Variants in ARHGAP15 observed in about 807,000 individuals in gnomAD.
ARHGAP15 encodes rho GTPase-activating protein 15.
In ARHGAP15, 51 loss-of-function variants were observed where a neutral mutation model predicts 63.7. That is an observed-to-expected ratio of 0.80 (90% confidence interval 0.64 to 1.01). The LOEUF is 1.01. Among genes scored for constraint, ARHGAP15 ranks in the 50% least tolerant of loss-of-function variants. ARHGAP15 has a pLI of 0.00. For missense variants in ARHGAP15, 560 were observed against 564.6 expected (o/e 0.99, Z 0.08); for synonymous variants, 191 against 193.8 (o/e 0.99, Z 0.12).
intron 8 of ARHGAP15, among the ~76,000 whole-genome samples, chr2:143,437,895 G>A (rs1463613979): frequency 1.3e-5 from 2 of 152,022 alleles, no homozygotes; most frequent in African/African-American, 2.4e-5. Flanking sequence ...ATGGTGGCAC[G>A]TGCCTGTAAT....
rs185215946 is a variant in ARHGAP15 at position 143,182,175 on chromosome 2, C to T, written c.166-19959C>T. On this transcript the variant is annotated intron_variant, in intron 2 of 13. Coordinates refer to ENST00000295095, the MANE Select transcript of ARHGAP15 (RefSeq NM_018460.4). ...ATGGGGTTTTGCCATGTTGGCCAGGCTGGTCTCAAACTCCTGACCTTGGGT... is the reference window on the plus strand; with the variant it reads ...ATGGGGTTTTGCCATGTTGGCCAGGTTGGTCTCAAACTCCTGACCTTGGGT... Among the ~76,000 whole-genome samples, 18 of 152,200 alleles carry T rather than the reference C, an allele frequency of 1.2e-4. No individual in the cohort carries two copies. The East Asian group carries it at 3.5e-3, about 29-fold the overall frequency.
At chr2:143,719,712 T>C (rs1006785851) in intron 13 of ARHGAP15, among the ~76,000 whole-genome samples, 5 of 152,182 alleles carry the variant, frequency 3.3e-5, no homozygotes, top group Non-Finnish European at 5.9e-5. Flanking sequence ...TTACTGCTAG[T>C]TTACATGTCC....
intron 12 of ARHGAP15, among the ~76,000 whole-genome samples, chr2:143,652,396 C>G (rs1681214986): frequency 6.6e-6 from 1 of 152,034 alleles, no homozygotes; most frequent in African/African-American, 2.4e-5. Context: ...TCATAGTTTG[C>G]TGGCATTTGT....
At chr2:143,676,874 T>C (rs1207231644) in intron 12 of ARHGAP15, among the ~76,000 whole-genome samples, 1 of 151,714 alleles carries the variant, frequency 6.6e-6, no homozygotes, top group Non-Finnish European at 1.5e-5. Flanking sequence ...GACCTTCAAT[T>C]TGAAAAACAA....
At chr2:143,151,596 T>G (rs1689823762) in intron 1 of ARHGAP15, among the ~76,000 whole-genome samples, 1 of 151,924 alleles carries the variant, frequency 6.6e-6, no homozygotes, top group Admixed American at 6.6e-5. Flanking sequence ...TAAGAAAGAA[T>G]GGATGATGGA....
At chr2:143,330,448 TTGTG>T (rs1684499860) in intron 6 of ARHGAP15, among the ~76,000 whole-genome samples, 2 of 152,070 alleles carry the variant, frequency 1.3e-5, no homozygotes, top group Non-Finnish European at 2.9e-5. Flanking sequence ...CCATAGTAAT[TTGTG>T]TTAAGTTTAT....
At chr2:143,764,313 A>G (rs892510144) in intron 13 of ARHGAP15, among the ~76,000 whole-genome samples, 1 of 152,164 alleles carries the variant, frequency 6.6e-6, no homozygotes, top group Non-Finnish European at 1.5e-5. Flanking sequence ...TCAGACATGC[A>G]GGCACATGGC....
At chr2:143,553,706 G>T (rs907861770) in intron 10 of ARHGAP15, among the ~76,000 whole-genome samples, 1 of 152,144 alleles carries the variant, frequency 6.6e-6, no homozygotes, top group African/African-American at 2.4e-5. Flanking sequence ...AAATGGTTTT[G>T]ATTACTGGAC....
In ARHGAP15 at chr2:143,440,957, C is replaced by T. The variant is rs79466832; in HGVS notation, c.703+3915C>T. 3.0e-3 allele frequency among the ~76,000 whole-genome samples: 463 copies of T among 152,280 alleles called. 3 individuals carry two copies. Among genetic ancestry groups the T allele is most frequent in the African/African-American group, 0.01 (432 of 41,574 alleles). ...TATAATAAATCTTGCATCAGATAAC[C>T]TTGGCGAGGTTTCTTAACTTTTCTG... is the stretch of plus-strand genomic sequence containing the variant. On this transcript the variant is annotated intron_variant, in intron 8 of 13. Transcript: ENST00000295095.
intron 12 of ARHGAP15, among the ~76,000 whole-genome samples, chr2:143,638,687 T>TA (rs201447356): frequency 0.3 from 39,006 of 132,056 alleles, 7,192 homozygotes; most frequent in African/African-American, 0.53. Flanking sequence ...AAAAAAATAT[T>TA]AAAAAAAAAA....
chr2:143,426,497 A>G (rs1477695034), intron 6 of ARHGAP15, among the ~76,000 whole-genome samples: 4 of 152,132 alleles, frequency 2.6e-5, no homozygotes, highest in Non-Finnish European at 4.4e-5. Context: ...TGTTCTGGCT[A>G]TGCTGCGAAC....
chr2:143,265,059 C>CA (rs1048461362), intron 6 of ARHGAP15, among the ~76,000 whole-genome samples: 1 of 152,106 alleles, frequency 6.6e-6, no homozygotes, highest in Non-Finnish European at 1.5e-5. Context: ...ATTGGGCTTT[C>CA]ACCCAAAGTT....
chr2:143,358,291 C>T (rs1288762478), intron 6 of ARHGAP15, among the ~76,000 whole-genome samples: 1 of 152,102 alleles, frequency 6.6e-6, no homozygotes, highest in East Asian at 1.9e-4. Context: ...GTAGTGACTG[C>T]CAGAACTGAG....
In ARHGAP15 at chr2:143,618,758, T is replaced by C. The variant is rs568119082; in HGVS notation, c.1004-5375T>C. Among the ~76,000 whole-genome samples, 48 of 152,200 alleles carry C rather than the reference T, an allele frequency of 3.2e-4. 1 individual carries two copies. In the South Asian group the frequency reaches 9.7e-3, roughly 31 times the overall value. On this transcript the variant is annotated intron_variant, in intron 11 of 13. Coordinates refer to ENST00000295095, the MANE Select transcript of ARHGAP15 (RefSeq NM_018460.4). ...GGTTGAGTCTAGTTAAAATTGGACCTGATATCACAACTGCTGGTTATATAT... is the reference window on the plus strand; with the variant it reads ...GGTTGAGTCTAGTTAAAATTGGACCCGATATCACAACTGCTGGTTATATAT...
intron 13 of ARHGAP15, among the ~76,000 whole-genome samples, chr2:143,739,344 A>G (rs997681662): frequency 3.3e-5 from 5 of 152,124 alleles, no homozygotes; most frequent in Admixed American, 3.3e-4. Flanking sequence ...CCGAGAATCA[A>G]TATCACAAGC....
intron 12 of ARHGAP15, among the ~76,000 whole-genome samples, chr2:143,644,554 C>T (rs1385099598): frequency 3.9e-5 from 6 of 152,050 alleles, no homozygotes; most frequent in African/African-American, 1.2e-4. Flanking sequence ...AAGGACCATA[C>T]TTGGAGGTAT....
chr2:143,613,733 C>G (rs1698347986), intron 11 of ARHGAP15, among the ~76,000 whole-genome samples: 1 of 152,150 alleles, frequency 6.6e-6, no homozygotes, highest in Non-Finnish European at 1.5e-5. Context: ...TATTAACTGA[C>G]TTCTTTTAAA....
intron 10 of ARHGAP15, among the ~76,000 whole-genome samples, chr2:143,539,024 T>C (rs535368626): frequency 6.6e-6 from 1 of 152,322 alleles, no homozygotes; most frequent in African/African-American, 2.4e-5. Flanking sequence ...TTTTTTTGGT[T>C]GGTAAGCTAT....
intron 6 of ARHGAP15, among the ~76,000 whole-genome samples, chr2:143,349,783 A>G (rs1432697835): frequency 1.3e-5 from 2 of 152,226 alleles, no homozygotes; most frequent in African/African-American, 2.4e-5. Context: ...GCCTCAGCTA[A>G]GCTAATTTCT....
Sources: allele counts gnomAD v4.1 joint callset (sites outside exome capture counted in the v4.1 genomes callset), GRCh38; gene constraint gnomAD v4.1.1; transcripts MANE v1.5; gene names NCBI Gene and HGNC (gene_info 2026-07-23, HGNC 2026-07-21).